The following ATAD2 variants were observed in gnomAD, a reference collection of about 807,000 sequenced individuals.
ATAD2 encodes the protein ATPase family AAA domain containing 2.
In ATAD2, 62 loss-of-function variants were observed where a neutral mutation model predicts 168.9. That is an observed-to-expected ratio of 0.37 (90% CI 0.30 to 0.45). The LOEUF (loss-of-function observed/expected upper bound fraction) is 0.45, where lower values mean the gene tolerates loss of function less well. Ranked by LOEUF, ATAD2 falls within the 20% of genes least tolerant of loss-of-function variation. ATAD2 has a pLI of 1.00. For missense variants in ATAD2, 1,419 were observed against 1,667.8 expected, an observed-to-expected ratio of 0.85 and a Z score of 2.60; for synonymous variants, 613 against 571.6, an observed-to-expected ratio of 1.07 and a Z score of -1.03.
intron 25 of ATAD2, among the ~76,000 whole-genome samples, chr8:123,326,426 T>C (rs914505320): frequency 6.6e-6 from 1 of 151,936 alleles, no homozygotes; most frequent in Admixed American, 6.6e-5. Context: ...TCCCAGCACT[T>C]TGGGAGGCCA....
intron 19 of ATAD2, among the ~76,000 whole-genome samples, chr8:123,340,712 T>C (rs942265884): frequency 3.3e-5 from 5 of 152,062 alleles, no homozygotes; most frequent in Non-Finnish European, 5.9e-5. Flanking sequence ...AAAAGACAAA[T>C]ACATATTCAA....
At chr8:123,322,875 C>T in intron 27 of ATAD2, 63 bp downstream of exon 27, 1 of 1,513,728 alleles carries the variant, frequency 6.6e-7, no homozygotes, top group Non-Finnish European at 9.0e-7. Flanking sequence ...AACAATCCTA[C>T]ATAAGTGATA....
At chr8:123,387,786 T>C (rs1158404578) in intron 1 of ATAD2, among the ~76,000 whole-genome samples, 1 of 152,148 alleles carries the variant, frequency 6.6e-6, no homozygotes, top group Non-Finnish European at 1.5e-5. Flanking sequence ...TATACACAGT[T>C]GCATAATAAA....
At chr8:123,347,005 T>A (rs1196805926) in intron 16 of ATAD2, 87 bp downstream of exon 16, 2 of 1,365,310 alleles carry the variant, frequency 1.5e-6, no homozygotes, top group Non-Finnish European at 2.0e-6. Context: ...AGAGATTCTT[T>A]TACAAATAAA....
intron 1 of ATAD2, among the ~76,000 whole-genome samples, chr8:123,389,984 A>ATATATATATATATATATT (rs1232318597): frequency 8.7e-6 from 1 of 115,186 alleles, no homozygotes; most frequent in Non-Finnish European, 1.6e-5. Context: ...ATATATATAT[A>ATATATATATATATATATT]TTTTTTTTTT....
At chr8:123,358,556 C>T (rs189081560) in intron 11 of ATAD2, among the ~76,000 whole-genome samples, 1 of 152,066 alleles carries the variant, frequency 6.6e-6, no homozygotes, top group East Asian at 1.9e-4. Context: ...CTATGTTGGC[C>T]AGGCTAGTCT....
chr8:123,380,093 C>T (rs1829450402), intron 2 of ATAD2, among the ~76,000 whole-genome samples: 1 of 151,866 alleles, frequency 6.6e-6, no homozygotes, highest in South Asian at 2.1e-4. Flanking sequence ...GCTCTGTCGC[C>T]CAGGCTGAAG....
At chr8:123,411,694 C>T (rs1586916058) in intron 1 of ATAD2, among the ~76,000 whole-genome samples, 1 of 152,150 alleles carries the variant, frequency 6.6e-6, no homozygotes, top group Non-Finnish European at 1.5e-5. Context: ...CGGCAACCCC[C>T]TTTGGGTCCC....
upstream of ATAD2, among the ~76,000 whole-genome samples, chr8:123,399,366 G>C (rs556244312): frequency 9.8e-5 from 15 of 152,296 alleles, no homozygotes; most frequent in Non-Finnish European, 2.1e-4. Flanking sequence ...AGCATAGTTA[G>C]AGGTGCAGGG....
Position 123,389,960 on chromosome 8 carries a change from T to TTATATATATATA in ATAD2, c.171+6215_171+6226dup, listed in dbSNP as rs386360951. On this transcript the variant is annotated intron_variant, in intron 1 of 27. Transcript: ENST00000287394. The stretch of plus-strand genomic sequence containing the variant: ...ATAAGTGGTAGCTATTACTATTATT[T>TTATATATATATA]TATATATATATATATATATATATAT... Among the ~76,000 whole-genome samples, 139 of 94,032 alleles carry TTATATATATATA rather than the reference T, an allele frequency of 1.5e-3. 1 individual carries two copies. Among genetic ancestry groups the TTATATATATATA allele is most frequent in the Admixed American group, 4.2e-3 (30 of 7,124 alleles). The allele number at this position is 94,032 out of a possible 152,430, so 61.7% of individuals were successfully genotyped here.
chr8:123,334,159 T>C (rs1827852941), intron 23 of ATAD2, 41 bp downstream of exon 23: 2 of 1,548,830 alleles, frequency 1.3e-6, no homozygotes, highest in Non-Finnish European at 1.7e-6. Flanking sequence ...AATTCATTGA[T>C]AATATTAGGT....
chr8:123,398,634 C>T (rs938665456), upstream of ATAD2, among the ~76,000 whole-genome samples: 1 of 152,138 alleles, frequency 6.6e-6, no homozygotes, highest in Non-Finnish European at 1.5e-5. Context: ...ACCTCAGCCT[C>T]CCTAGTAGCT....
chr8:123,344,836 G>A, intron 19 of ATAD2, 48 bp downstream of exon 19: 1 of 1,573,040 alleles, frequency 6.4e-7, no homozygotes, highest in African/African-American at 1.4e-5. Flanking sequence ...TATTGTGGTA[G>A]AAACAACTCT....
intron 8 of ATAD2, among the ~76,000 whole-genome samples, chr8:123,363,546 C>T (rs1019367781): frequency 2.6e-5 from 4 of 152,162 alleles, no homozygotes; most frequent in Non-Finnish European, 4.4e-5. Context: ...TACCCAAATA[C>T]ACCAAGACCA....
At chr8:123,374,355 AAAAC>A (rs151095665) in intron 2 of ATAD2, among the ~76,000 whole-genome samples, 39 of 152,292 alleles carry the variant, frequency 2.6e-4, no homozygotes, top group East Asian at 1.9e-4. Context: ...GTCCATCTCA[AAAAC>A]AAACAAACAA....
chr8:123,333,846 A>G (rs1201078842), intron 24 of ATAD2, 32 bp downstream of exon 24: 1 of 1,559,642 alleles, frequency 6.4e-7, no homozygotes, highest in African/African-American at 1.4e-5. Flanking sequence ...TAAAGTTATA[A>G]TTTCATAAAT....
Position 123,366,101 on chromosome 8 carries a change from G to T in ATAD2, c.1049+2957C>A, listed in dbSNP as rs138074164. ...AAAAAAACAATCCCATCAAAAAGTG[G>T]GCTATGGACATGAACAGACAATTCT... On this transcript the variant is annotated intron_variant, in intron 8 of 27. Transcript: ENST00000287394. Among the ~76,000 whole-genome samples, 942 of 152,052 alleles carry T rather than the reference G, an allele frequency of 6.2e-3. 7 individuals carry two copies. The highest frequency in any genetic ancestry group is 8.9e-3 in the Non-Finnish European group (605 of 67,982).
intron 1 of ATAD2, among the ~76,000 whole-genome samples, chr8:123,383,451 A>C (rs1194989945): frequency 6.6e-6 from 1 of 152,232 alleles, no homozygotes; most frequent in African/African-American, 2.4e-5. Flanking sequence ...CATAAAGCCA[A>C]AGAAAAACAC....
At chr8:123,368,929 A>G (rs1829057001) in intron 8 of ATAD2, 129 bp downstream of exon 8, 5 of 394,630 alleles carry the variant, frequency 1.3e-5, no homozygotes, top group Admixed American at 7.8e-5. Context: ...AAGGTATAGA[A>G]ACTAAGCTCT....
Sources: allele counts gnomAD v4.1 joint callset (sites outside exome capture counted in the v4.1 genomes callset), GRCh38; gene constraint gnomAD v4.1.1; transcripts MANE v1.5; gene names NCBI Gene and HGNC (gene_info 2026-07-23, HGNC 2026-07-21).